The following PTPRD variants were observed in gnomAD, a reference collection of about 807,000 sequenced individuals.
PTPRD encodes the protein receptor-type tyrosine-protein phosphatase delta.
Under a neutral mutation model 214.5 loss-of-function variants are expected in PTPRD, and 34 were observed. That is an observed-to-expected ratio of 0.16 (90% confidence interval 0.12 to 0.21). The LOEUF is 0.21. PTPRD is among the 10% of genes least tolerant of loss of function. The pLI, the probability that PTPRD is intolerant of heterozygous loss-of-function variation, is 1.00. For missense variants in PTPRD, 2,545 were observed against 2,398.7 expected (o/e 1.06, Z -1.27); for synonymous variants, 1,128 against 845.7 (o/e 1.33, Z -5.79).
chr9:9,204,384 A>G (rs150328207), intron 9 of PTPRD, among the ~76,000 whole-genome samples: 37 of 152,290 alleles, frequency 2.4e-4, no homozygotes, highest in African/African-American at 8.4e-4. Flanking sequence ...AAGTTCATAA[A>G]TTAATGGATG....
chr9:10,123,974 A>G (rs1217539771), intron 3 of PTPRD, among the ~76,000 whole-genome samples: 1 of 152,180 alleles, frequency 6.6e-6, no homozygotes, highest in Non-Finnish European at 1.5e-5. Context: ...TTTGCCAAAC[A>G]ATGTAGGTGT....
intron 11 of PTPRD, among the ~76,000 whole-genome samples, chr9:8,818,024 A>G (rs2096957826): frequency 6.6e-6 from 1 of 152,358 alleles, no homozygotes; most frequent in South Asian, 2.1e-4. Context: ...CTCACGGCTT[A>G]GTGGGAATAT....
chr9:10,530,077 A>C (rs1390970142), intron 2 of PTPRD, among the ~76,000 whole-genome samples: 1 of 152,186 alleles, frequency 6.6e-6, no homozygotes, highest in Non-Finnish European at 1.5e-5. Context: ...TAAAAAAGTC[A>C]ATTTAAAAAA....
At chr9:8,883,316 G>A (rs952940241) in intron 11 of PTPRD, among the ~76,000 whole-genome samples, 3 of 152,170 alleles carry the variant, frequency 2.0e-5, no homozygotes, top group African/African-American at 7.2e-5. Flanking sequence ...TCAACTCCTA[G>A]ATTTGTTCTG....
At chr9:9,572,360 C>T (rs1018590120) in intron 8 of PTPRD, among the ~76,000 whole-genome samples, 1 of 150,814 alleles carries the variant, frequency 6.6e-6, no homozygotes, top group African/African-American at 2.4e-5. Flanking sequence ...GAATGTTAGT[C>T]GAAGAATATA....
In PTPRD at chr9:9,571,428, A is replaced by G. The variant is rs762994852; in HGVS notation, c.-237+3304T>C. Among the ~76,000 whole-genome samples, 197 of 151,486 alleles carry G rather than the reference A, an allele frequency of 1.3e-3. 3 individuals carry two copies. The highest frequency in any genetic ancestry group is 3.4e-3 in the Middle Eastern group (1 of 292). Reference sequence around the variant, plus strand: ...AGGCTGTATTTATATTATGGCTGTTATATGCTTATATAACTTATTAGACAT... The same window carrying G: ...AGGCTGTATTTATATTATGGCTGTTGTATGCTTATATAACTTATTAGACAT... On this transcript the variant is annotated intron_variant, in intron 8 of 45. Coordinates refer to ENST00000381196, the MANE Select transcript of PTPRD (RefSeq NM_002839.4).
chr9:8,338,445 G>T (rs1045008317), intron 43 of PTPRD, among the ~76,000 whole-genome samples: 11 of 152,062 alleles, frequency 7.2e-5, no homozygotes, highest in Non-Finnish European at 1.6e-4. Context: ...AATGTGCAAA[G>T]CTTGTCAGAT....
At chr9:9,621,712 C>G (rs1036531139) in intron 7 of PTPRD, among the ~76,000 whole-genome samples, 1 of 152,126 alleles carries the variant, frequency 6.6e-6, no homozygotes, top group African/African-American at 2.4e-5. Context: ...TTCTTTAATA[C>G]ATTTAGTTAA....
intron 4 of PTPRD, among the ~76,000 whole-genome samples, chr9:10,024,250 A>G (rs976616487): frequency 6.6e-6 from 1 of 152,130 alleles, no homozygotes; most frequent in African/African-American, 2.4e-5. Context: ...ATTCTAAAGT[A>G]AGTTTATGCA....
At chr9:9,267,703 G>C (rs1281339934) in intron 9 of PTPRD, among the ~76,000 whole-genome samples, 5 of 151,080 alleles carry the variant, frequency 3.3e-5, no homozygotes, top group African/African-American at 1.2e-4. Flanking sequence ...ATTTATCCCT[G>C]GAATGCAAGG....
intron 2 of PTPRD, among the ~76,000 whole-genome samples, chr9:10,604,416 A>G (rs1194526817): frequency 6.6e-6 from 1 of 151,762 alleles, no homozygotes; most frequent in African/African-American, 2.4e-5. Context: ...ATGTTTTCCA[A>G]GTGGGAGAGG....
At chr9:9,445,121 G>T (rs1382676351) in intron 8 of PTPRD, among the ~76,000 whole-genome samples, 1 of 152,252 alleles carries the variant, frequency 6.6e-6, no homozygotes, top group East Asian at 1.9e-4. Flanking sequence ...AAGTTTAGTT[G>T]ATGGATCCTC....
chr9:10,460,600 G>T (rs143165310), intron 2 of PTPRD, among the ~76,000 whole-genome samples: 141 of 152,080 alleles, frequency 9.3e-4, no homozygotes, highest in African/African-American at 2.7e-3. Context: ...TTTGACAAGG[G>T]CACCAAAAAT....
intron 14 of PTPRD, among the ~76,000 whole-genome samples, chr9:8,619,980 T>C (rs2095760730): frequency 6.6e-6 from 1 of 152,034 alleles, no homozygotes; most frequent in Non-Finnish European, 1.5e-5. Flanking sequence ...GAATCTCAGC[T>C]GCTCTGAACT....
rs537721301 is a variant in PTPRD, at chr9:9,546,102, T to C, written c.-237+28630A>G. 4.0e-5 allele frequency among the ~76,000 whole-genome samples: 6 copies of C among 151,898 alleles called. No homozygotes were observed. In the South Asian group the frequency reaches 8.3e-4, roughly 21 times the overall value. ...TTTCCACTTGTTTATTTCTGGTATA[T>C]AGAAATATATAGCAGTTTTTTTCAC... On this transcript the variant is annotated intron_variant, in intron 8 of 45. Transcript: ENST00000381196.
intron 5 of PTPRD, among the ~76,000 whole-genome samples, chr9:9,877,914 G>A (rs995055937): frequency 6.7e-5 from 10 of 150,020 alleles, no homozygotes; most frequent in East Asian, 3.9e-4. Context: ...TGGAGGTTGC[G>A]GTGAGCTGAG....
At chr9:8,503,506 C>A (rs2097463972) in intron 23 of PTPRD, among the ~76,000 whole-genome samples, 1 of 152,028 alleles carries the variant, frequency 6.6e-6, no homozygotes, top group Non-Finnish European at 1.5e-5. Context: ...TAATAAGCCA[C>A]CAAACTTTCC....
rs1483495095 is a variant in PTPRD at position 8,948,469 on chromosome 9, ATATATATATATTTATATATATATT to A, written c.-104+70204_-104+70227del. The stretch of plus-strand genomic sequence containing the variant: ...TATATATATTTATATATATATTTAC[ATATATATATATTTATATATATATT>A]TATATATATATTTATATATATATAT... On this transcript the variant is annotated intron_variant, in intron 11 of 45. Transcript: ENST00000381196. Among the ~76,000 whole-genome samples the A allele has an allele frequency of 8.5e-4, 6 of 7,048 alleles. 1 individual carries two copies. The highest frequency in any genetic ancestry group is 3.5e-3 in the Admixed American group (1 of 284). 4.6% of individuals were successfully genotyped at this position (7,048 alleles called of 152,430 possible).
chr9:8,878,959 T>A (rs989079985), intron 11 of PTPRD, among the ~76,000 whole-genome samples: 2 of 152,206 alleles, frequency 1.3e-5, no homozygotes, highest in African/African-American at 4.8e-5. Flanking sequence ...AAGCTACAGT[T>A]GGTTGCATTT....
Sources: gnomAD v4.1 joint callset for allele counts (sites outside exome capture counted in the v4.1 genomes callset) on GRCh38, gnomAD v4.1.1 for gene constraint, MANE v1.5 for transcripts, NCBI Gene and HGNC (gene_info 2026-07-23, HGNC 2026-07-21) for gene names.